The following LPP variants were observed in gnomAD, a reference collection of about 807,000 sequenced individuals.
The protein encoded by LPP is lipoma-preferred partner.
Under a neutral mutation model 60.4 loss-of-function variants are expected in LPP, and 38 were observed. The observed-to-expected ratio is 0.63, with a 90% confidence interval of 0.49 to 0.83. The LOEUF (loss-of-function observed/expected upper bound fraction) is 0.83, where lower values mean the gene tolerates loss of function less well. Among genes scored for constraint, LPP ranks in the 40% least tolerant of loss-of-function variants. The pLI, the probability that LPP is intolerant of heterozygous loss-of-function variation, is 0.00. For synonymous variants in LPP, 328 were observed against 290.8 expected, an observed-to-expected ratio of 1.13 and a Z score of -1.30; for missense variants, 902 against 783.6, an observed-to-expected ratio of 1.15 and a Z score of -1.80.
chr3:188,414,168 A>G (rs1785564879), intron 4 of LPP, among the ~76,000 whole-genome samples: 1 of 152,108 alleles, frequency 6.6e-6, no homozygotes, highest in South Asian at 2.1e-4. Context: ...GTGAAATAAA[A>G]TTTATTTAAT....
chr3:188,194,109 C>A (rs1478131560), intron 1 of LPP, among the ~76,000 whole-genome samples: 1 of 152,196 alleles, frequency 6.6e-6, no homozygotes, highest in Admixed American at 6.5e-5. Context: ...GCTCCCTATT[C>A]TCTGTTGGTG....
intron 9 of LPP, among the ~76,000 whole-genome samples, chr3:188,805,267 G>A (rs1470599316): frequency 2.6e-5 from 4 of 151,892 alleles, no homozygotes; most frequent in African/African-American, 7.2e-5. Context: ...GTATGGAATT[G>A]GTATTATTAT....
chr3:188,368,715 CACACAGAGAG>C (rs1169372772), intron 3 of LPP, among the ~76,000 whole-genome samples: 42 of 74,184 alleles, frequency 5.7e-4, no homozygotes, highest in Admixed American at 1.2e-3. Flanking sequence ...CACACACACA[CACACAGAGAG>C]AGAGAGAGAG....
rs1769431396 is a variant in LPP at position 188,877,858 on chromosome 3, A to C, written c.*3379A>C. 1 of 215,074 alleles carries C rather than the reference A, an allele frequency of 4.6e-6. No homozygotes were observed. Among genetic ancestry groups the C allele is most frequent in the African/African-American group, 2.2e-5 (1 of 44,488 alleles). 13.3% of individuals were successfully genotyped at this position (215,074 alleles called of 1,614,324 possible). Reference sequence around the variant, plus strand: ...AAAGATGTGGGTTCTTTTTCTTGTCATTAACACATTGTTATTTCTGTAGGA... The same window carrying C: ...AAAGATGTGGGTTCTTTTTCTTGTCCTTAACACATTGTTATTTCTGTAGGA... On this transcript the variant is annotated 3_prime_UTR_variant, in exon 12 of 12. Transcript: ENST00000617246.
chr3:188,584,703 CCTTG>C (rs1437238776), intron 6 of LPP, among the ~76,000 whole-genome samples: 3 of 151,688 alleles, frequency 2.0e-5, no homozygotes, highest in African/African-American at 4.8e-5. Context: ...CATCCTGTTC[CCTTG>C]CTTGTCTCTC....
chr3:188,719,780 A>G (rs1715570889), intron 8 of LPP, among the ~76,000 whole-genome samples: 1 of 152,200 alleles, frequency 6.6e-6, no homozygotes. Context: ...CTTTCTCTAA[A>G]ACACACAGAT....
In LPP at chr3:188,665,942, G is replaced by T. The variant is rs1387698929; in HGVS notation, c.1114-42325G>T. Among the ~76,000 whole-genome samples, 3 of 152,154 alleles carry T rather than the reference G, an allele frequency of 2.0e-5. No homozygotes were observed. In the East Asian group the frequency reaches 5.8e-4, roughly 29 times the overall value. On this transcript the variant is annotated intron_variant, in intron 7 of 11. Coordinates refer to ENST00000617246, the MANE Select transcript of LPP (RefSeq NM_001375462.1). ...TTTTATCTTAGCCTGTGCTTTATCT[G>T]GCAGGATCTGATCCATCCTATAATT...
chr3:188,702,150 A>G (rs1047767544), intron 7 of LPP, among the ~76,000 whole-genome samples: 7 of 151,242 alleles, frequency 4.6e-5, no homozygotes, highest in Non-Finnish European at 1.0e-4. Context: ...TAGAGGTGGG[A>G]TTTCACCATG....
chr3:188,273,143 C>T (rs1738383535), intron 2 of LPP, among the ~76,000 whole-genome samples: 2 of 152,166 alleles, frequency 1.3e-5, no homozygotes, highest in African/African-American at 4.8e-5. Context: ...CAATAACTGC[C>T]CCCACCACCC....
intron 4 of LPP, among the ~76,000 whole-genome samples, chr3:188,422,676 C>T (rs917567866): frequency 8.5e-5 from 13 of 152,130 alleles, no homozygotes; most frequent in African/African-American, 3.1e-4. Flanking sequence ...ATAGTTATCC[C>T]ATGCAGAGCT....
At chr3:188,180,925 T>A (rs1175389258) in intron 1 of LPP, 1 of 152,116 alleles carries the variant, frequency 6.6e-6, no homozygotes, top group African/African-American at 2.4e-5. Context: ...AAATTCTTTG[T>A]CTGCACCTAT....
rs960897310 is a variant in LPP at position 188,572,547 on chromosome 3, G to T, written c.430-36614G>T. Among the ~76,000 whole-genome samples the T allele has an allele frequency of 2.6e-5, 4 of 152,024 alleles. No homozygotes were observed. Among genetic ancestry groups the T allele is most frequent in the Non-Finnish European group, 5.9e-5 (4 of 67,992 alleles). The stretch of plus-strand genomic sequence containing the variant: ...GATTGACCAAAAGTCTAGAGAACCT[G>T]ATTTGTAACTGTATCATTATGACTT... On this transcript the variant is annotated intron_variant, in intron 6 of 11. Coordinates refer to ENST00000617246, the MANE Select transcript of LPP (RefSeq NM_001375462.1). This position sits in a 1 kb window ranked among gnomAD's most constrained non-coding sequence, Gnocchi z 4.1.
chr3:188,385,352 G>T (rs1165385222), intron 3 of LPP, among the ~76,000 whole-genome samples: 1 of 152,068 alleles, frequency 6.6e-6, no homozygotes, highest in Non-Finnish European at 1.5e-5. Context: ...CGTGTGGGGG[G>T]GTGTGAAGAG....
chr3:188,428,080 A>G (rs1326131832), intron 4 of LPP, among the ~76,000 whole-genome samples: 1 of 152,168 alleles, frequency 6.6e-6, no homozygotes, highest in African/African-American at 2.4e-5. Flanking sequence ...TGTGGGTTGC[A>G]AAGACCATGG....
intron 4 of LPP, among the ~76,000 whole-genome samples, chr3:188,466,432 C>T (rs1800395471): frequency 6.6e-6 from 1 of 151,934 alleles, no homozygotes. Flanking sequence ...AATCATAAAC[C>T]ATCAGTGTCG....
intron 7 of LPP, among the ~76,000 whole-genome samples, chr3:188,672,062 C>G (rs553822641): frequency 2.3e-4 from 35 of 152,292 alleles, no homozygotes; most frequent in Admixed American, 9.2e-4. Flanking sequence ...TTCGTGTTTG[C>G]ATTTTGAATG....
chr3:188,441,600 T>TTTTCTTTTC (rs1793871271), intron 4 of LPP, among the ~76,000 whole-genome samples: 1 of 119,350 alleles, frequency 8.4e-6, no homozygotes, highest in Non-Finnish European at 1.7e-5. Context: ...TCTTTTTTTC[T>TTTTCTTTTC]TTTCTTTTCT....
At chr3:188,321,629 T>C (rs1756983758) in intron 2 of LPP, among the ~76,000 whole-genome samples, 1 of 152,230 alleles carries the variant, frequency 6.6e-6, no homozygotes, top group South Asian at 2.1e-4. Context: ...GGTATTTTCA[T>C]AATTGAGAAC....
At chr3:188,742,988 T>C (rs1724966742) in intron 8 of LPP, among the ~76,000 whole-genome samples, 1 of 152,138 alleles carries the variant, frequency 6.6e-6, no homozygotes, top group Non-Finnish European at 1.5e-5. Flanking sequence ...GTTAGGTTTC[T>C]TTAAAGGATG....
Sources: gnomAD v4.1 joint callset for allele counts (sites outside exome capture counted in the v4.1 genomes callset) on GRCh38, gnomAD v4.1.1 for gene constraint, Gnocchi (gnomAD v3.1) non-coding constraint, MANE v1.5 for transcripts, NCBI Gene and HGNC (gene_info 2026-07-23, HGNC 2026-07-21) for gene names.